COBL: variants seen among roughly 807,000 people sequenced by gnomAD.
COBL encodes the protein protein cordon-bleu.
COBL carries 51 observed loss-of-function variants against 98.8 expected under a neutral mutation model. That is an observed-to-expected ratio of 0.52 (90% CI 0.41 to 0.65). COBL has a LOEUF of 0.65. Ranked by LOEUF, COBL falls within the 30% of genes least tolerant of loss-of-function variation. The pLI, the probability that COBL is intolerant of heterozygous loss-of-function variation, is 0.00. For synonymous variants in COBL, 634 were observed against 651.7 expected (o/e 0.97, Z 0.41); for missense variants, 1,617 against 1,617.5 (o/e 1.00, Z 0.01).
intron 5 of COBL, among the ~76,000 whole-genome samples, chr7:51,170,575 T>C (rs924930883): frequency 2.0e-5 from 3 of 148,564 alleles, no homozygotes; most frequent in Middle Eastern, 3.3e-3. Context: ...ATGTATCACA[T>C]ATATATATAA....
chr7:51,024,707 T>C (rs2128866244), intron 12 of COBL, among the ~76,000 whole-genome samples: 1 of 152,220 alleles, frequency 6.6e-6, no homozygotes, highest in African/African-American at 2.4e-5. Context: ...GACTGGCGGC[T>C]TCCGTGCCAG....
chr7:51,136,009 C>T (rs1424723313), intron 6 of COBL, 149 bp downstream of exon 6: 2 of 1,092,102 alleles, frequency 1.8e-6, no homozygotes, highest in African/African-American at 3.2e-5. Context: ...CTTGCCTTTA[C>T]TTTTAAATAA....
At chr7:51,078,276 T>C (rs1793286489) in intron 7 of COBL, among the ~76,000 whole-genome samples, 1 of 152,338 alleles carries the variant, frequency 6.6e-6, no homozygotes, top group African/African-American at 2.4e-5. Flanking sequence ...TCCTTTCTCC[T>C]ACAAAACTAT....
intron 6 of COBL, among the ~76,000 whole-genome samples, chr7:51,089,083 C>T (rs1042911803): frequency 6.6e-6 from 1 of 152,126 alleles, no homozygotes; most frequent in East Asian, 1.9e-4. Flanking sequence ...ATCATCAGCT[C>T]GTTCCACGGT....
Position 51,144,220 on chromosome 7 carries a change from T to C in COBL, c.784-7889A>G, listed in dbSNP as rs866143482. Among the ~76,000 whole-genome samples the C allele has an allele frequency of 4.6e-5, 7 of 152,300 alleles. 1 individual carries two copies. The highest frequency in any genetic ancestry group is 1.2e-4 in the African/African-American group (5 of 41,560). On this transcript the variant is annotated intron_variant, in intron 5 of 12. Coordinates refer to ENST00000265136, the MANE Select transcript of COBL (RefSeq NM_015198.5). Reference sequence around the variant, plus strand: ...CTCAGAAAATGGTGATAGATTCGTGTGCAGACATGTATTTTACATATATGA... The same window carrying C: ...CTCAGAAAATGGTGATAGATTCGTGCGCAGACATGTATTTTACATATATGA...
At chr7:51,208,668 T>A (rs919145569) in intron 2 of COBL, among the ~76,000 whole-genome samples, 7 of 152,224 alleles carry the variant, frequency 4.6e-5, no homozygotes, top group Non-Finnish European at 1.0e-4. Context: ...TTGCCGTGTC[T>A]GTGTAGAAAG....
chr7:51,028,723 G>C lies in COBL; in HGVS notation c.2373C>G (p.Pro791=), dbSNP rs765750655. 1.9e-6 allele frequency: 3 copies of C among 1,613,946 alleles called. No individual in the cohort carries two copies. The highest frequency in any genetic ancestry group is 1.7e-5 in the Admixed American group (1 of 60,008). ...TCTGCGTGGGCACAGGGGTGGAGGGGGGTCCCCTGGCAGAGCTCTCTGAGG... is the reference window on the plus strand; with the variant it reads ...TCTGCGTGGGCACAGGGGTGGAGGGCGGTCCCCTGGCAGAGCTCTCTGAGG... ...GRPSESSARG[P]PSTPVPTQTQ... is the part of the protein sequence containing the mutation. Residue 791 remains proline (P), a synonymous_variant, in exon 10 of 13, where the codon CCC becomes CCG. Transcript: ENST00000265136.
At chr7:51,102,458 C>T (rs1433757391) in intron 6 of COBL, among the ~76,000 whole-genome samples, 6 of 152,150 alleles carry the variant, frequency 3.9e-5, no homozygotes, top group East Asian at 1.9e-4. Context: ...CACAGCCTCA[C>T]GCTCCCACTC....
chr7:51,259,533 AC>A, intron 1 of COBL: 1 of 684,332 alleles, frequency 1.5e-6, no homozygotes. Context: ...AAGATGGGCC[AC>A]TGAGAAGTGG....
chr7:51,232,454 G>A (rs1241863799), intron 1 of COBL, among the ~76,000 whole-genome samples: 1 of 152,002 alleles, frequency 6.6e-6, no homozygotes, highest in Non-Finnish European at 1.5e-5. Context: ...GCCATGGAGA[G>A]GACCCCACCA....
At chr7:51,026,766 C>A in intron 10 of COBL, 101 bp from the exon 11 acceptor site, 1 of 1,420,174 alleles carries the variant, frequency 7.0e-7, no homozygotes, top group South Asian at 1.3e-5. Flanking sequence ...GGCACGGTGG[C>A]TCATGCCTGT....
intron 1 of COBL, among the ~76,000 whole-genome samples, chr7:51,307,178 CTACTAAAAA>C (rs966810396): frequency 7.2e-5 from 11 of 151,926 alleles, no homozygotes; most frequent in African/African-American, 1.9e-4. Flanking sequence ...AACCCCGGCT[CTACTAAAAA>C]TACAAAAAAA....
chr7:51,237,002 C>T, intron 1 of COBL, among the ~76,000 whole-genome samples: 1 of 152,212 alleles, frequency 6.6e-6, no homozygotes, highest in East Asian at 1.9e-4. Context: ...TTCCGGTCTG[C>T]ACTGGACTGG....
chr7:51,187,263 T>C (rs1231390144), intron 4 of COBL, among the ~76,000 whole-genome samples: 1 of 151,196 alleles, frequency 6.6e-6, no homozygotes, highest in African/African-American at 2.4e-5. Context: ...TCTGCAAATG[T>C]ACAATGGGCA....
chr7:51,110,090 T>A (rs562964313), intron 6 of COBL, among the ~76,000 whole-genome samples: 1 of 152,354 alleles, frequency 6.6e-6, no homozygotes, highest in South Asian at 2.1e-4. Flanking sequence ...ATCTTTAACC[T>A]CAAACATTTA....
At chr7:51,250,493 TTTAA>T (rs1796633994) in intron 1 of COBL, among the ~76,000 whole-genome samples, 1 of 152,214 alleles carries the variant, frequency 6.6e-6, no homozygotes. Context: ...AAAAATATTA[TTTAA>T]TTGAGTGTGG....
intron 7 of COBL, among the ~76,000 whole-genome samples, chr7:51,077,420 C>T (rs1188479702): frequency 6.6e-6 from 1 of 152,146 alleles, no homozygotes; most frequent in Non-Finnish European, 1.5e-5. Context: ...GCAAGTTGTC[C>T]TGACCATGAC....
chr7:51,222,566 T>C (rs1270300076), intron 1 of COBL, among the ~76,000 whole-genome samples: 1 of 152,150 alleles, frequency 6.6e-6, no homozygotes, highest in Non-Finnish European at 1.5e-5. Flanking sequence ...CAGTCATTAT[T>C]AGAAAGAACA....
intron 5 of COBL, among the ~76,000 whole-genome samples, chr7:51,156,979 G>A (rs1482913782): frequency 1.3e-5 from 2 of 152,128 alleles, no homozygotes; most frequent in African/African-American, 4.8e-5. Flanking sequence ...CTTCTCACAA[G>A]GAGAACCGAG....
Sources: allele counts gnomAD v4.1 joint callset (sites outside exome capture counted in the v4.1 genomes callset), GRCh38; gene constraint gnomAD v4.1.1; transcripts MANE v1.5; gene names NCBI Gene and HGNC (gene_info 2026-07-23, HGNC 2026-07-21).